The following LAMB2 variants were observed in gnomAD, a reference collection of about 807,000 sequenced individuals.
LAMB2 encodes laminin subunit beta-2.
A neutral mutation model predicts 202.7 loss-of-function variants in LAMB2; 119 were observed. The observed-to-expected ratio is 0.59, with a 90% CI of 0.51 to 0.68. The LOEUF (loss-of-function observed/expected upper bound fraction) is 0.68. Ranked by LOEUF, LAMB2 falls within the 30% of genes least tolerant of loss-of-function variation. The pLI, the probability that LAMB2 is intolerant of heterozygous loss-of-function variation, is 0.00. For missense variants in LAMB2, 2,124 were observed against 2,410.6 expected, an observed-to-expected ratio of 0.88 and a Z score of 2.49; for synonymous variants, 818 against 902.2, an observed-to-expected ratio of 0.91 and a Z score of 1.67.
intron 15 of LAMB2, among the ~76,000 whole-genome samples, chr3:49,127,888 C>T (rs1225010434): frequency 3.3e-5 from 5 of 151,184 alleles, no homozygotes; most frequent in Non-Finnish European, 7.4e-5. Flanking sequence ...GGCGTGGTGG[C>T]GTGCACCTGT....
At position 49,123,230 on chromosome 3, in the gene LAMB2, T is replaced by C. The variant is rs2045370165; in HGVS notation, c.4126A>G (p.Lys1376Glu). Residue 1376 changes from lysine (K) to glutamate (E), a missense_variant, in exon 26 of 32, where the codon AAG (lysine) becomes GAG (glutamate). This residue lies in a region of LAMB2 where 1,702 missense variants were observed against 1,896.3 expected (regional missense o/e 0.90). Transcript: ENST00000305544. ...HRTEALMDAQ[K>E]EDFNSKHMAN... ...ATGTGTTTGCTGTTGAAGTCCTCCT[T>C]CTGAGCATCCATCAGTGCCTCTGTC... 1.2e-6 allele frequency: 2 copies of C among 1,614,018 alleles called. No homozygotes were observed. The highest frequency in any genetic ancestry group is 1.7e-6 in the Non-Finnish European group (2 of 1,180,044).
Position 49,130,272 on chromosome 3 carries a change from C to T in LAMB2, c.1184G>A (p.Arg395His), listed in dbSNP as rs756508714. Reference protein sequence around the residue: ...HCELCRPFFYRDPTKDLRDPA... With the variant: ...HCELCRPFFYHDPTKDLRDPA... The stretch of plus-strand genomic sequence containing the variant: ...ATCCCGCAGGTCCTTGGTTGGGTCA[C>T]GGTAGAAGAAGGGCCGACAGAGCTC... Residue 395 changes from arginine to histidine, a missense_variant, in exon 9 of 32, where the codon CGT becomes CAT. By Grantham distance (29) the Arg-to-His change is conservative. Transcript: ENST00000305544. This position sits in a 1 kb window ranked among gnomAD's most constrained non-coding sequence, Gnocchi z 5.0. The T allele has an allele frequency of 3.1e-6, 5 of 1,614,124 alleles. No homozygotes were observed. The highest frequency in any genetic ancestry group is 4.5e-5 in the East Asian group (2 of 44,890).
At chr3:49,126,523 G>T in intron 15 of LAMB2, 26 bp from the exon 16 acceptor site, 2 of 1,613,782 alleles carry the variant, frequency 1.2e-6, no homozygotes, top group Non-Finnish European at 1.7e-6. Flanking sequence ...GACAGGTGCA[G>T]TGGGTCATCT....
In LAMB2 at chr3:49,130,077, C is replaced by T; in HGVS notation, c.1226-59G>A. Reference sequence around the variant, plus strand: ...CTATCTCAACTAGCTCACTGCCAGTCCTCTCCTAAGCCTAAGGGATCCCAC... The same window carrying T: ...CTATCTCAACTAGCTCACTGCCAGTTCTCTCCTAAGCCTAAGGGATCCCAC... On this transcript the variant is annotated intron_variant, in intron 9 of 31. Transcript: ENST00000305544. The surrounding 1 kb of genome is among the most constrained non-coding windows in gnomAD (Gnocchi z 5.0). 1 of 1,594,514 alleles carries T rather than the reference C, an allele frequency of 6.3e-7. No homozygotes were observed. Among genetic ancestry groups the T allele is most frequent in the African/African-American group, 1.3e-5 (1 of 74,686 alleles).
rs1459946270 is a variant in LAMB2 at position 49,129,152 on chromosome 3, C to A, written c.1599G>T (p.Gln533His). The A allele has an allele frequency of 6.2e-7, 1 of 1,614,104 alleles. No individual in the cohort carries two copies. The highest frequency in any genetic ancestry group is 1.7e-5 in the Admixed American group (1 of 60,020). ...DCDVGGALDP[Q>H]CDEGTGQCHC... is the part of the protein sequence containing the mutation. ...GGCATTGACCTGTGCCCTCATCACA[C>A]CTGGAGGGAACTCTGTGGTTACTCA... The change falls in exon 13 of 32, where the codon CAG becomes CAT. Residue 533 changes from glutamine to histidine, a missense_variant and splice_region_variant. Coordinates refer to ENST00000305544, the MANE Select transcript of LAMB2 (RefSeq NM_002292.4). This position sits in a 1 kb window ranked among gnomAD's most constrained non-coding sequence, Gnocchi z 6.1.
rs950007823 is a variant in LAMB2, at chr3:49,129,382, A to G, written c.1519-58T>C. The G allele has an allele frequency of 1.1e-5, 17 of 1,486,236 alleles. No homozygotes were observed. Among genetic ancestry groups the G allele is most frequent in the Non-Finnish European group, 1.6e-5 (17 of 1,073,040 alleles). 92.1% of individuals were successfully genotyped at this position (1,486,236 alleles called of 1,614,324 possible). On this transcript the variant is annotated intron_variant, in intron 11 of 31. Coordinates refer to ENST00000305544, the MANE Select transcript of LAMB2 (RefSeq NM_002292.4). This position sits in a 1 kb window ranked among gnomAD's most constrained non-coding sequence, Gnocchi z 6.1. ...AGACCTCCAGACCCCATCACCACCC[A>G]GCAGGAAATCCCAACCACACGTCTT... is the stretch of plus-strand genomic sequence containing the variant.
Position 49,123,998 on chromosome 3 carries a change from C to T in LAMB2, c.3527G>A (p.Cys1176Tyr). ...AAAGATTCCTGAGAAGCCACGGGCA[C>T]ACTGGTCACAGCGCACACCAGACAC... ...PGVSGVRCDQCARGFSGIFPA... is the reference protein window; with the variant it reads ...PGVSGVRCDQYARGFSGIFPA... Residue 1176 changes from cysteine to tyrosine, a missense_variant, in exon 24 of 32, where the codon TGT becomes TAT. This residue lies in a region of LAMB2 where 1,702 missense variants were observed against 1,896.3 expected (regional missense o/e 0.90). Coordinates refer to ENST00000305544, the MANE Select transcript of LAMB2 (RefSeq NM_002292.4). 6.2e-7 allele frequency: 1 copy of T among 1,613,578 alleles called. No individual in the cohort carries two copies.
At position 49,122,833 on chromosome 3, in the gene LAMB2, G is replaced by A. The variant is rs755963903; in HGVS notation, c.4444C>T (p.Arg1482Trp). 6.0e-5 allele frequency: 97 copies of A among 1,612,870 alleles called. 1 individual carries two copies. The Admixed American group carries it at 6.3e-4, about 11-fold the overall frequency. The change falls in exon 27 of 32, where the codon CGG becomes TGG. Residue 1482 changes from arginine (R) to tryptophan (W), a missense_variant. Coordinates refer to ENST00000305544, the MANE Select transcript of LAMB2 (RefSeq NM_002292.4). ...CGCTGCTGTGCCTCGCTTGCCTGCC[G>A]ACGAGTCTCAGCCACTCTGCTGAGG... ...SILSRVAETR[R>W]QASEAQQRAQ...
rs886038508 is a variant in LAMB2 at position 49,123,793 on chromosome 3, G to A, written c.3732C>T (p.Ile1244=). 9.3e-6 allele frequency: 15 copies of A among 1,613,204 alleles called. No individual in the cohort carries two copies. Among genetic ancestry groups the A allele is most frequent in the African/African-American group, 4.0e-5 (3 of 74,930 alleles). The part of the protein sequence containing the change: ...MQEKLGIVQG[I]VGARNTSAAS... ...CGGCTGAGGTGTTGCGGGCACCTAC[G>A]ATGCCCTGCACAATGCCCAGCTTCT... Residue 1244 remains isoleucine (I), a synonymous_variant, in exon 24 of 32, where the codon ATC becomes ATT. Transcript: ENST00000305544.
chr3:49,123,512 G>C lies in LAMB2; in HGVS notation c.3917C>G (p.Ala1306Gly). Residue 1306 changes from alanine to glycine, a missense_variant, in exon 25 of 32, where the codon GCA (alanine) becomes GGA (glycine). By Grantham distance (60) the Ala-to-Gly change is moderately conservative (BLOSUM62 0). Transcript: ENST00000305544. ...GAGCTGCCGCAGTGTGAGATTAAGTGCAAGCCTATCTCGCTCCAGACCACT... is the reference window on the plus strand; with the variant it reads ...GAGCTGCCGCAGTGTGAGATTAAGTCCAAGCCTATCTCGCTCCAGACCACT... ...ALSGLERDRL[A>G]LNLTLRQLDQ... is the part of the protein sequence containing the mutation. 1 of 1,614,214 alleles carries C rather than the reference G, an allele frequency of 6.2e-7. No individual in the cohort carries two copies. Among genetic ancestry groups the C allele is most frequent in the South Asian group, 1.1e-5 (1 of 91,086 alleles).
Position 49,129,256 on chromosome 3 carries a change from A to G in LAMB2, c.1587T>C (p.Ala529=). The change falls in exon 12 of 32, where the codon GCT becomes GCC. Residue 529 remains alanine, a synonymous_variant. Transcript: ENST00000305544. The surrounding 1 kb of genome is among the most constrained non-coding windows in gnomAD (Gnocchi z 6.1). ...TTTACAACACTTACTGGGGATCCAA[A>G]GCACCACCCACGTCGCAGTCACAGG... ...CRPCDCDVGG[A]LDPQCDEGTG... 6.2e-7 allele frequency: 1 copy of G among 1,613,974 alleles called. No homozygotes were observed.
Position 49,130,748 on chromosome 3 carries a change from G to C in LAMB2, c.1028C>G (p.Ala343Gly). Residue 343 changes from alanine to glycine, a missense_variant, in exon 8 of 32, where the codon GCC becomes GGC. Ala to Gly is a moderately conservative substitution (Grantham distance 60). Transcript: ENST00000305544. This position sits in a 1 kb window ranked among gnomAD's most constrained non-coding sequence, Gnocchi z 5.0. ...GCCAAGATCTCACTCACTCCTACAG[G>C]CATGACTATGGCCGTCCTCAGCCGG... ...WRPAEDGHSH[A>G]CRKCECHGHT... 1 of 1,613,978 alleles carries C rather than the reference G, an allele frequency of 6.2e-7. No individual in the cohort carries two copies. Among genetic ancestry groups the C allele is most frequent in the Non-Finnish European group, 8.5e-7 (1 of 1,180,016 alleles).
In LAMB2 at chr3:49,122,727, TGG is replaced by T; in HGVS notation, c.4548_4549del (p.Gln1517GlufsTer12). On this transcript the variant is annotated frameshift_variant, in exon 27 of 32. Transcript: ENST00000305544. LOFTEE classifies it high-confidence loss of function. ...ACGGTTGAGGAAGTCCTTCACACTC[TGG>T]ATAAGTTCTTGAAGTTCCTGGTTGG... The T allele has an allele frequency of 6.2e-7, 1 of 1,614,150 alleles. No homozygotes were observed. The highest frequency in any genetic ancestry group is 1.1e-5 in the South Asian group (1 of 91,078).
In LAMB2 at chr3:49,132,823, G is replaced by C; in HGVS notation, c.45C>G (p.Pro15=). Residue 15 remains proline, a synonymous_variant, in exon 1 of 32, where the codon CCC becomes CCG. Coordinates refer to ENST00000305544, the MANE Select transcript of LAMB2 (RefSeq NM_002292.4). This position sits in a 1 kb window ranked among gnomAD's most constrained non-coding sequence, Gnocchi z 4.6. ...SRERGRGQPL[P]WELRLGLLLS... Reference sequence around the variant, plus strand: ...GCAGTAGGCCCAGTCGAAGTTCCCAGGGCAGAGGCTGTCCCCTCCCTCTTT... The same window carrying C: ...GCAGTAGGCCCAGTCGAAGTTCCCACGGCAGAGGCTGTCCCCTCCCTCTTT... The C allele has an allele frequency of 6.2e-7, 1 of 1,614,178 alleles. No individual in the cohort carries two copies. Among genetic ancestry groups the C allele is most frequent in the Non-Finnish European group, 8.5e-7 (1 of 1,180,034 alleles).
rs2045393494 is a variant in LAMB2 at position 49,124,853 on chromosome 3, C to T, written c.2957G>A (p.Cys986Tyr). The change falls in exon 21 of 32, where the codon TGT (cysteine) becomes TAT (tyrosine). Residue 986 changes from cysteine (C) to tyrosine (Y), a missense_variant. By Grantham distance (194) the Cys-to-Tyr change is radical. This residue lies in a region of LAMB2 where 1,702 missense variants were observed against 1,896.3 expected (regional missense o/e 0.90). Coordinates refer to ENST00000305544, the MANE Select transcript of LAMB2 (RefSeq NM_002292.4). ...PSRPGGRCQL[C>Y]ECSGNIDPMD... ...TGGGTCAATGTTCCCACTGCACTCACACAGTTGGCACCGGCCACCTGGCCT... is the reference window on the plus strand; with the variant it reads ...TGGGTCAATGTTCCCACTGCACTCATACAGTTGGCACCGGCCACCTGGCCT... The T allele has an allele frequency of 6.8e-6, 11 of 1,614,162 alleles. No homozygotes were observed. In the East Asian group the frequency reaches 2.5e-4, roughly 36 times the overall value.
At position 49,128,683 on chromosome 3, in the gene LAMB2, A is replaced by G; in HGVS notation, c.1868T>C (p.Leu623Pro). Residue 623 changes from leucine (L) to proline (P), a missense_variant, in exon 14 of 32, where the codon CTG becomes CCG. By Grantham distance (98) the Leu-to-Pro change is moderately conservative (BLOSUM62 -3). Transcript: ENST00000305544. ...AACCTGGGGCTCTAAGCGCAGCAGC[A>G]GGTCATAGTCCATAGCCTTCGGCAC... ...ASVPKAMDYD[L>P]LLRLEPQVPE... The G allele has an allele frequency of 6.2e-7, 1 of 1,614,204 alleles. No homozygotes were observed. The highest frequency in any genetic ancestry group is 8.5e-7 in the Non-Finnish European group (1 of 1,180,040).
chr3:49,123,849 C>T lies in LAMB2; in HGVS notation c.3676G>A (p.Ala1226Thr). Reference protein sequence around the residue: ...QELQQTGVLGAFESSFWHMQE... With the variant: ...QELQQTGVLGTFESSFWHMQE... ...ATGTGCCAGAAGCTGCTCTCAAAGGCACCCAGCACACCCGTCTGTTGCAAC... is the reference window on the plus strand; with the variant it reads ...ATGTGCCAGAAGCTGCTCTCAAAGGTACCCAGCACACCCGTCTGTTGCAAC... Residue 1226 changes from alanine to threonine, a missense_variant, in exon 24 of 32, where the codon GCC becomes ACC. Transcript: ENST00000305544. 1 of 1,613,300 alleles carries T rather than the reference C, an allele frequency of 6.2e-7. No individual in the cohort carries two copies. The highest frequency in any genetic ancestry group is 8.5e-7 in the Non-Finnish European group (1 of 1,179,860).
At position 49,129,531 on chromosome 3, in the gene LAMB2, T is replaced by C. The variant is rs2045458821; in HGVS notation, c.1518+73A>G. On this transcript the variant is annotated intron_variant, in intron 11 of 31. Coordinates refer to ENST00000305544, the MANE Select transcript of LAMB2 (RefSeq NM_002292.4). The surrounding 1 kb of genome is among the most constrained non-coding windows in gnomAD (Gnocchi z 6.1). ...AGCTCTCAGCACCCACCCACTGGCA[T>C]AGATGTGACACCCCAGCCCTGTGCT... is the stretch of plus-strand genomic sequence containing the variant. 1.5e-6 allele frequency: 2 copies of C among 1,301,732 alleles called. No homozygotes were observed. The highest frequency in any genetic ancestry group is 1.5e-5 in the African/African-American group (1 of 68,622). 80.6% of individuals were successfully genotyped at this position (1,301,732 alleles called of 1,614,324 possible). A position where few individuals can be genotyped will look rare whatever the true frequency, so the allele number is the denominator to read the frequency against.
Position 49,131,316 on chromosome 3 carries a change from G to A in LAMB2, c.712+63C>T. ...CTAGGAAGCACCCAAAATAGTTACT[G>A]AGGCCCCAAATAGTCCCTAGCCGGA... is the stretch of plus-strand genomic sequence containing the variant. On this transcript the variant is annotated intron_variant, in intron 6 of 31. Transcript: ENST00000305544. This position sits in a 1 kb window ranked among gnomAD's most constrained non-coding sequence, Gnocchi z 5.0. 6.4e-7 allele frequency: 1 copy of A among 1,573,770 alleles called. No individual in the cohort carries two copies. Among genetic ancestry groups the A allele is most frequent in the Non-Finnish European group, 8.7e-7 (1 of 1,146,060 alleles).
Sources: allele counts gnomAD v4.1 joint callset (sites outside exome capture counted in the v4.1 genomes callset), GRCh38; gene constraint gnomAD v4.1.1; regional missense constraint gnomAD v4.1.1; non-coding constraint Gnocchi (gnomAD v3.1); transcripts MANE v1.5; gene names NCBI Gene and HGNC (gene_info 2026-07-23, HGNC 2026-07-21).